Variants in CPA6 observed in about 807,000 individuals in gnomAD.
CPA6 encodes the protein carboxypeptidase B.
In CPA6, 58 loss-of-function variants were observed where a neutral mutation model predicts 63.3. The observed-to-expected ratio is 0.92, with a 90% CI of 0.74 to 1.14. The LOEUF (loss-of-function observed/expected upper bound fraction) is 1.14. Ranked by LOEUF, CPA6 falls within the 50% of genes most tolerant of loss-of-function variation. CPA6 has a pLI of 0.00. For missense variants in CPA6, 565 were observed against 526.6 expected (o/e 1.07, Z -0.71); for synonymous variants, 185 against 179.0 (o/e 1.03, Z -0.27).
chr8:67,461,715 A>T (rs1444201426), intron 8 of CPA6, among the ~76,000 whole-genome samples: 2 of 149,546 alleles, frequency 1.3e-5, no homozygotes, highest in African/African-American at 5.0e-5. Context: ...TCCCTCCCGG[A>T]TGGAGCGGCT....
At chr8:67,427,686 T>C (rs1809924429) in intron 10 of CPA6, among the ~76,000 whole-genome samples, 1 of 152,248 alleles carries the variant, frequency 6.6e-6, no homozygotes, top group Non-Finnish European at 1.5e-5. Flanking sequence ...GAAGCAGTTG[T>C]AGGGCTGAAA....
intron 1 of CPA6, among the ~76,000 whole-genome samples, chr8:67,693,052 A>C (rs2128997560): frequency 6.6e-6 from 1 of 152,338 alleles, no homozygotes; most frequent in South Asian, 2.1e-4. Flanking sequence ...GCTATTGTAC[A>C]TCACTAGTTA....
At chr8:67,457,749 T>C (rs777111941) in intron 8 of CPA6, among the ~76,000 whole-genome samples, 1 of 152,108 alleles carries the variant, frequency 6.6e-6, no homozygotes, top group African/African-American at 2.4e-5. Flanking sequence ...TGTCAGTTCC[T>C]CAGCATGGTG....
intron 1 of CPA6, among the ~76,000 whole-genome samples, chr8:67,666,090 T>C (rs1360334918): frequency 3.3e-5 from 5 of 152,236 alleles, no homozygotes; most frequent in African/African-American, 1.2e-4. Flanking sequence ...CCACTGTTCC[T>C]TCTGGTAGGA....
chr8:67,457,457 C>T (rs1810701049), intron 8 of CPA6, among the ~76,000 whole-genome samples: 1 of 152,082 alleles, frequency 6.6e-6, no homozygotes, highest in Non-Finnish European at 1.5e-5. Context: ...TTGGAGTCTT[C>T]AGCTCCACAG....
chr8:67,713,774 T>C (rs1364282877), intron 1 of CPA6, among the ~76,000 whole-genome samples: 2 of 152,244 alleles, frequency 1.3e-5, no homozygotes, highest in Non-Finnish European at 2.9e-5. Context: ...TCTTTAATTC[T>C]AAGAGAAGAC....
At chr8:67,460,614 C>T (rs1156988785) in intron 8 of CPA6, among the ~76,000 whole-genome samples, 4 of 152,066 alleles carry the variant, frequency 2.6e-5, no homozygotes, top group African/African-American at 9.7e-5. Flanking sequence ...GCTGGAAGGC[C>T]ATAGTGGAAT....
chr8:67,461,816 G>T (rs1810819271), intron 8 of CPA6, among the ~76,000 whole-genome samples: 1 of 152,142 alleles, frequency 6.6e-6, no homozygotes. Context: ...CCGGGCGGGG[G>T]GCTGACCCCC....
intron 1 of CPA6, among the ~76,000 whole-genome samples, chr8:67,727,962 C>T (rs1817629760): frequency 4.0e-5 from 6 of 151,860 alleles, no homozygotes; most frequent in Admixed American, 3.9e-4. Context: ...CCTGTAGTCC[C>T]AGCTACTCGG....
chr8:67,612,451 C>T (rs113271692), intron 2 of CPA6, among the ~76,000 whole-genome samples: 1 of 152,318 alleles, frequency 6.6e-6, no homozygotes, highest in Non-Finnish European at 1.5e-5. Flanking sequence ...GGGTCAATGT[C>T]TTTTCCCTTA....
At chr8:67,728,439 T>C (rs991670384) in intron 1 of CPA6, among the ~76,000 whole-genome samples, 2 of 152,182 alleles carry the variant, frequency 1.3e-5, no homozygotes, top group Non-Finnish European at 2.9e-5. Context: ...TAAAAATTAT[T>C]TATAGACATT....
rs190146565 is a variant in CPA6, at chr8:67,634,658, G to C, written c.117-10407C>G. ...CAATGAGTTCTAACCCTTAAATTGA[G>C]GGGAAGGACCAATGAACCACTGCAT... On this transcript the variant is annotated intron_variant, in intron 1 of 10. Coordinates refer to ENST00000297770, the MANE Select transcript of CPA6 (RefSeq NM_020361.5). Among the ~76,000 whole-genome samples the C allele has an allele frequency of 7.9e-5, 12 of 151,626 alleles. No homozygotes were observed. In the East Asian group the frequency reaches 2.3e-3, roughly 29 times the overall value.
intron 1 of CPA6, among the ~76,000 whole-genome samples, chr8:67,723,805 C>G (rs1350859826): frequency 6.6e-6 from 1 of 152,040 alleles, no homozygotes; most frequent in East Asian, 1.9e-4. Context: ...TATGCAAAAT[C>G]AGCAGGAAAA....
intron 1 of CPA6, among the ~76,000 whole-genome samples, chr8:67,745,056 GAAC>G (rs952719666): frequency 2.0e-5 from 3 of 152,106 alleles, no homozygotes; most frequent in African/African-American, 7.2e-5. Flanking sequence ...TTTCTAAAAA[GAAC>G]AACTTGGTTT....
intron 1 of CPA6, among the ~76,000 whole-genome samples, chr8:67,646,110 G>T (rs141487120): frequency 1.2e-4 from 19 of 152,298 alleles, no homozygotes; most frequent in African/African-American, 4.3e-4. Flanking sequence ...TGATCTCTCT[G>T]CTATGTAACA....
chr8:67,454,279 A>G (rs1810621833), intron 8 of CPA6, among the ~76,000 whole-genome samples: 2 of 152,204 alleles, frequency 1.3e-5, no homozygotes, highest in South Asian at 4.1e-4. Context: ...CTAAAATGCA[A>G]AGAAACAGCT....
At chr8:67,559,259 A>G (rs1382559768) in intron 2 of CPA6, among the ~76,000 whole-genome samples, 1 of 152,196 alleles carries the variant, frequency 6.6e-6, no homozygotes. Flanking sequence ...ATCAGTATCA[A>G]ATTTTATCTA....
chr8:67,706,790 G>A (rs1817144524), intron 1 of CPA6, among the ~76,000 whole-genome samples: 1 of 152,122 alleles, frequency 6.6e-6, no homozygotes, highest in African/African-American at 2.4e-5. Context: ...TTACCTTACA[G>A]TCAAACTGAT....
At chr8:67,721,276 C>T (rs919737107) in intron 1 of CPA6, among the ~76,000 whole-genome samples, 2 of 152,298 alleles carry the variant, frequency 1.3e-5, no homozygotes, top group Middle Eastern at 3.4e-3. Context: ...AAATACCATG[C>T]GTGCCATTTG....
Sources: allele counts gnomAD v4.1 joint callset (sites outside exome capture counted in the v4.1 genomes callset), GRCh38; gene constraint gnomAD v4.1.1; transcripts MANE v1.5; gene names NCBI Gene and HGNC (gene_info 2026-07-23, HGNC 2026-07-21).